The following DCLK1 variants were observed in gnomAD, a reference collection of about 807,000 sequenced individuals.
DCLK1 encodes serine/threonine-protein kinase DCLK1.
Under a neutral mutation model 86.2 loss-of-function variants are expected in DCLK1, and 16 were observed. The observed-to-expected ratio is 0.19, with a 90% CI of 0.13 to 0.28. DCLK1 has a LOEUF of 0.28. Among genes scored for constraint, DCLK1 ranks in the 10% least tolerant of loss-of-function variants. The pLI is 1.00. For missense variants in DCLK1, 590 were observed against 940.2 expected (o/e 0.63, Z 4.87); for synonymous variants, 369 against 370.5 (o/e 1.00, Z 0.05).
At chr13:35,788,336 A>T (rs369213930) in intron 16 of DCLK1, 1 of 1,547,336 alleles carries the variant, frequency 6.5e-7, no homozygotes, top group Non-Finnish European at 8.9e-7. Context: ...GTGCTAAAGA[A>T]TTAAGACTCC....
At chr13:35,814,107 C>T (rs2087213681) in intron 11 of DCLK1, among the ~76,000 whole-genome samples, 1 of 152,078 alleles carries the variant, frequency 6.6e-6, no homozygotes, top group African/African-American at 2.4e-5. Context: ...TCAACGGGGA[C>T]TCTTCATTAG....
chr13:35,875,734 T>G (rs1340449464), intron 4 of DCLK1, among the ~76,000 whole-genome samples: 1 of 152,200 alleles, frequency 6.6e-6, no homozygotes, highest in African/African-American at 2.4e-5. Flanking sequence ...CCATACTCCA[T>G]TGGATACTAA....
At chr13:35,989,523 C>T (rs1388407381) in intron 3 of DCLK1, among the ~76,000 whole-genome samples, 2 of 152,094 alleles carry the variant, frequency 1.3e-5, no homozygotes, top group African/African-American at 2.4e-5. Flanking sequence ...CCACCCGCCT[C>T]GGCTTCCCAA....
rs1227259659 is a variant in DCLK1, at chr13:35,769,231, A to G, written c.*5304T>C. ...GATTCTGAAAATCAAAGATTAACCT[A>G]TGCCATCTGATCCATGCAGCAAGTG... On this transcript the variant is annotated 3_prime_UTR_variant, in exon 17 of 17. Coordinates refer to ENST00000360631, the MANE Select transcript of DCLK1 (RefSeq NM_001330071.2). 2.6e-5 allele frequency: 4 copies of G among 152,218 alleles called. No homozygotes were observed. The highest frequency in any genetic ancestry group is 9.6e-5 in the African/African-American group (4 of 41,452). The allele number at this position is 152,218 out of a possible 1,614,324, so 9.4% of individuals were successfully genotyped here.
At chr13:35,784,629 A>G (rs1403198779) in intron 16 of DCLK1, among the ~76,000 whole-genome samples, 1 of 152,184 alleles carries the variant, frequency 6.6e-6, no homozygotes, top group African/African-American at 2.4e-5. Flanking sequence ...TTTGAAGTTT[A>G]AATCTATGAC....
At chr13:35,921,437 C>T (rs914983662) in intron 4 of DCLK1, among the ~76,000 whole-genome samples, 1 of 152,192 alleles carries the variant, frequency 6.6e-6, no homozygotes, top group Non-Finnish European at 1.5e-5. Context: ...ATCACTCCTT[C>T]AGGTTTCAGC....
intron 3 of DCLK1, among the ~76,000 whole-genome samples, chr13:35,950,742 A>G (rs1877621719): frequency 6.6e-6 from 1 of 152,100 alleles, no homozygotes; most frequent in South Asian, 2.1e-4. Flanking sequence ...GAGATGTCCA[A>G]CCTGTGGAGA....
intron 5 of DCLK1, chr13:35,869,083 G>A: frequency 2.0e-6 from 1 of 505,588 alleles, no homozygotes; most frequent in Non-Finnish European, 3.9e-6. Context: ...GAGCCACCAG[G>A]CCCGGGCCTA....
In DCLK1 at chr13:36,072,766, T is replaced by C. The variant is rs568156529; in HGVS notation, c.723+39103A>G. Among the ~76,000 whole-genome samples the C allele has an allele frequency of 5.3e-5, 8 of 152,294 alleles. No homozygotes were observed. The South Asian group carries it at 1.7e-3, about 32-fold the overall frequency. The stretch of plus-strand genomic sequence containing the variant: ...CCATACACCCTGCAACCAGCAGCCC[T>C]ACCTTGTTAAAAAGAGTCATCCAAA... On this transcript the variant is annotated intron_variant, in intron 3 of 16. Coordinates refer to ENST00000360631, the MANE Select transcript of DCLK1 (RefSeq NM_001330071.2).
chr13:36,075,261 C>A (rs988828370), intron 3 of DCLK1, among the ~76,000 whole-genome samples: 1 of 152,308 alleles, frequency 6.6e-6, no homozygotes, highest in Middle Eastern at 3.4e-3. Context: ...TGACTCTGCT[C>A]ATGTATAAAA....
chr13:35,802,980 T>C (rs566673959), intron 15 of DCLK1, among the ~76,000 whole-genome samples: 7 of 152,344 alleles, frequency 4.6e-5, no homozygotes, highest in African/African-American at 1.7e-4. Flanking sequence ...GAAAGGTTGC[T>C]GACTTGTATT....
chr13:35,932,253 T>C (rs1389857938), intron 4 of DCLK1, among the ~76,000 whole-genome samples: 1 of 152,216 alleles, frequency 6.6e-6, no homozygotes, highest in Non-Finnish European at 1.5e-5. Flanking sequence ...GACCTTGGAC[T>C]GGGACTTTCA....
At chr13:36,105,916 G>C (rs1176811338) in intron 3 of DCLK1, among the ~76,000 whole-genome samples, 1 of 152,132 alleles carries the variant, frequency 6.6e-6, no homozygotes, top group Non-Finnish European at 1.5e-5. Context: ...CACAGGCCGG[G>C]TCAGGGCTCC....
chr13:35,803,193 C>T (rs938807501), intron 15 of DCLK1, among the ~76,000 whole-genome samples: 18 of 152,284 alleles, frequency 1.2e-4, no homozygotes, highest in Non-Finnish European at 1.2e-4. Flanking sequence ...CCCTGCATAG[C>T]CTTAGTCTCC....
chr13:35,979,851 A>T (rs1208512048), intron 3 of DCLK1, among the ~76,000 whole-genome samples: 1 of 152,216 alleles, frequency 6.6e-6, no homozygotes, highest in Non-Finnish European at 1.5e-5. Context: ...TTCTCTGAGC[A>T]GCTCTGGCAC....
At chr13:36,100,918 GA>G (rs1706038800) in intron 3 of DCLK1, among the ~76,000 whole-genome samples, 1 of 152,176 alleles carries the variant, frequency 6.6e-6, no homozygotes, top group Non-Finnish European at 1.5e-5. Flanking sequence ...GGCATGTCTA[GA>G]AAATTATTAT....
intron 4 of DCLK1, among the ~76,000 whole-genome samples, chr13:35,927,898 G>A (rs1388307479): frequency 2.6e-5 from 4 of 152,116 alleles, no homozygotes; most frequent in Non-Finnish European, 5.9e-5. Context: ...TAGCAGCTGA[G>A]TGAGCCTCCT....
At chr13:35,827,586 C>G (rs1252075687) in intron 10 of DCLK1, 49 bp downstream of exon 10, 1 of 1,607,174 alleles carries the variant, frequency 6.2e-7, no homozygotes. Context: ...AGAATATAGG[C>G]AAGTGCGGTG....
chr13:35,821,372 G>C (rs892875983), intron 11 of DCLK1, among the ~76,000 whole-genome samples: 1 of 152,108 alleles, frequency 6.6e-6, no homozygotes, highest in African/African-American at 2.4e-5. Flanking sequence ...GGGTTACCTG[G>C]GGGAGGTGGC....
Sources: allele counts gnomAD v4.1 joint callset (sites outside exome capture counted in the v4.1 genomes callset), GRCh38; gene constraint gnomAD v4.1.1; transcripts MANE v1.5; gene names NCBI Gene and HGNC (gene_info 2026-07-23, HGNC 2026-07-21).